STARD8: variants seen among roughly 807,000 people sequenced by gnomAD.
STARD8 encodes StAR related lipid transfer domain containing 8.
Under a neutral mutation model 69.4 loss-of-function variants are expected in STARD8, and 25 were observed. The ratio of observed to expected loss-of-function variants is 0.36; its 90% CI spans 0.26 to 0.50. The LOEUF is 0.50. Among genes scored for constraint, STARD8 ranks in the 20% least tolerant of loss-of-function variants. The pLI is 0.96. For synonymous variants in STARD8, 389 were observed against 374.6 expected, an observed-to-expected ratio of 1.04 and a Z score of -0.45; for missense variants, 921 against 932.5, an observed-to-expected ratio of 0.99 and a Z score of 0.16.
At chrX:68,724,198 C>A in intron 14 of STARD8, 77 bp downstream of exon 14, 1 of 1,174,081 alleles carries the variant, frequency 8.5e-7, no homozygotes, top group Non-Finnish European at 1.2e-6. Flanking sequence ...CTTTCTGCCC[C>A]ATGCTATTGA....
intron 1 of STARD8, among the ~76,000 whole-genome samples, chrX:68,661,948 C>T (rs1265861347): frequency 3.4e-5 from 2 of 58,131 alleles, no homozygotes; most frequent in African/African-American, 2.2e-4. Context: ...CCTCCTTCCT[C>T]TCTCTCTCTC....
chrX:68,721,526 T>G lies in STARD8; in HGVS notation c.2249-10T>G. The G allele has an allele frequency of 8.3e-7, 1 of 1,209,340 alleles. No homozygotes were observed. The highest frequency in any genetic ancestry group is 1.1e-6 in the Non-Finnish European group (1 of 894,192). On this transcript the variant is annotated splice_polypyrimidine_tract_variant and intron_variant, in intron 9 of 14. Coordinates refer to ENST00000374599, the MANE Select transcript of STARD8 (RefSeq NM_001142503.3). ...GTAAGGAAGGCTCTTCTTCCATTGC[T>G]TCCTCACAGTCCTCCCCAAGGATCA...
chrX:68,683,180 C>G (rs747943897), intron 2 of STARD8, among the ~76,000 whole-genome samples: 1 of 111,009 alleles, frequency 9.0e-6, no homozygotes, highest in East Asian at 2.8e-4. Flanking sequence ...TGCCAATAAT[C>G]AAATCAATCA....
intron 1 of STARD8, among the ~76,000 whole-genome samples, chrX:68,659,479 TG>T (rs1298263910): frequency 9.4e-6 from 1 of 106,699 alleles, no homozygotes; most frequent in Non-Finnish European, 1.9e-5. Flanking sequence ...CTCCCACCCC[TG>T]GTCAGACTAG....
At chrX:68,702,706 C>T (rs2079975293) in intron 2 of STARD8, among the ~76,000 whole-genome samples, 1 of 111,148 alleles carries the variant, frequency 9.0e-6, no homozygotes, top group Non-Finnish European at 1.9e-5. Context: ...TACTCCATAT[C>T]TCTGGGCCTC....
chrX:68,720,427 A>G lies in STARD8; in HGVS notation c.2049+4A>G. 1 of 1,166,714 alleles carries G rather than the reference A, an allele frequency of 8.6e-7. No individual in the cohort carries two copies. The stretch of plus-strand genomic sequence containing the variant: ...GCGCAGCCAGTGCCTGGACCAAGTG[A>G]GCCCTCGTGGGGCAGCCTGCCGGGA... On this transcript the variant is annotated splice_donor_region_variant and intron_variant, in intron 8 of 14. Transcript: ENST00000374599.
chrX:68,679,230 C>T (rs1351444814), intron 2 of STARD8, among the ~76,000 whole-genome samples: 1 of 111,013 alleles, frequency 9.0e-6, no homozygotes, highest in Non-Finnish European at 1.9e-5. Flanking sequence ...TATGTGACAC[C>T]CCAATATATA....
At chrX:68,700,034 C>T (rs1463116416) in intron 2 of STARD8, among the ~76,000 whole-genome samples, 2 of 110,970 alleles carry the variant, frequency 1.8e-5, no homozygotes, top group South Asian at 3.9e-4. Flanking sequence ...TCCTGCCACT[C>T]GGTTTTATCT....
Position 68,724,593 on chromosome X carries a change from G to A in STARD8, c.*171G>A, listed in dbSNP as rs187886760. ...TTCCTAAAGCTCCTCTGCACATAGA[G>A]GGGAGAAAAAGAGAATTTAGGCAAC... On this transcript the variant is annotated 3_prime_UTR_variant, in exon 15 of 15. Coordinates refer to ENST00000374599, the MANE Select transcript of STARD8 (RefSeq NM_001142503.3). 1.8e-4 allele frequency: 75 copies of A among 418,048 alleles called. No homozygotes were observed. The highest frequency in any genetic ancestry group is 1.8e-3 in the African/African-American group (72 of 40,142). The allele number at this position is 418,048 out of a possible 1,213,427, so 34.5% of individuals were successfully genotyped here.
intron 2 of STARD8, among the ~76,000 whole-genome samples, chrX:68,693,483 G>A (rs1220232601): frequency 1.8e-5 from 2 of 112,609 alleles, no homozygotes; most frequent in Non-Finnish European, 3.8e-5. Context: ...GAAAGGCAGC[G>A]GCGAGGGCCT....
chrX:68,682,439 A>C (rs2079806871), intron 2 of STARD8, among the ~76,000 whole-genome samples: 1 of 112,527 alleles, frequency 8.9e-6, no homozygotes, highest in Non-Finnish European at 1.9e-5. Context: ...AGACATGGAT[A>C]ATTAAACTCG....
chrX:68,663,139 A>G (rs756858230), intron 1 of STARD8, among the ~76,000 whole-genome samples: 2 of 112,190 alleles, frequency 1.8e-5, no homozygotes, highest in Non-Finnish European at 3.8e-5. Context: ...ACAACAAGGA[A>G]ACAAAAAGGG....
rs771209701 is a variant in STARD8, at chrX:68,722,436, G to A, written c.2589G>A (p.Met863Ile). ...CKKLFQVPQD[M>I]VLQLCSSYSA... is the part of the protein sequence containing the mutation. ...TGCCCTCTCAGGTGCCCCAGGACAT[G>A]GTGCTGCAGCTGTGCAGCTCCTACA... The change falls in exon 12 of 15, where the codon ATG (methionine) becomes ATA (isoleucine). Residue 863 changes from methionine (M) to isoleucine (I), a missense_variant. By Grantham distance (10) the Met-to-Ile change is conservative. Coordinates refer to ENST00000374599, the MANE Select transcript of STARD8 (RefSeq NM_001142503.3). 4 of 1,201,338 alleles carry A rather than the reference G, an allele frequency of 3.3e-6. No homozygotes were observed. Among genetic ancestry groups the A allele is most frequent in the South Asian group, 3.6e-5 (2 of 55,527 alleles).
chrX:68,713,028 C>A, intron 3 of STARD8, 43 bp downstream of exon 3: 4 of 1,146,373 alleles, frequency 3.5e-6, no homozygotes, highest in East Asian at 3.1e-5. Flanking sequence ...TTCCCCTAGC[C>A]CTCAGTTTTT....
At chrX:68,648,547 G>A (rs2079528901) in intron 1 of STARD8, among the ~76,000 whole-genome samples, 1 of 111,492 alleles carries the variant, frequency 9.0e-6, no homozygotes, top group South Asian at 3.8e-4. Flanking sequence ...GATCACTTGA[G>A]GCCAGGGGTT....
intron 2 of STARD8, among the ~76,000 whole-genome samples, chrX:68,688,646 G>A (rs1332495871): frequency 1.8e-5 from 2 of 112,414 alleles, no homozygotes; most frequent in African/African-American, 6.4e-5. Context: ...GGCTGTTCAA[G>A]GACTCTGGAT....
Position 68,661,970 on chromosome X carries a change from C to CTCTCTT in STARD8, c.46-3526_46-3525insCTTTCT, listed in dbSNP as rs1556020285. On this transcript the variant is annotated intron_variant, in intron 1 of 14. Coordinates refer to ENST00000374599, the MANE Select transcript of STARD8 (RefSeq NM_001142503.3). Reference sequence around the variant, plus strand: ...CCTCTCTCTCTCTCTCTCTCTCTCTCTCTTTCTTTCTTTCTTTCTTTCTTT... The same window carrying CTCTCTT: ...CCTCTCTCTCTCTCTCTCTCTCTCTCTCTCTTTCTTTCTTTCTTTCTTTCTTTCTTT... Among the ~76,000 whole-genome samples, 299 of 55,971 alleles carry CTCTCTT rather than the reference C, an allele frequency of 5.3e-3. 2 individuals are homozygous for CTCTCTT. The highest frequency in any genetic ancestry group is 6.7e-3 in the Non-Finnish European group (221 of 32,895). 48.6% of individuals were successfully genotyped at this position (55,971 alleles called of 115,157 possible). A position where few individuals can be genotyped will look rare whatever the true frequency, so the allele number is the denominator to read the frequency against.
chrX:68,653,348 A>G (rs1602536343), intron 1 of STARD8, among the ~76,000 whole-genome samples: 1 of 30,663 alleles, frequency 3.3e-5, no homozygotes, highest in Non-Finnish European at 5.9e-5. Context: ...CACCACACAC[A>G]CCCCACACAC....
chrX:68,653,221 TAC>T (rs1484716540), intron 1 of STARD8, among the ~76,000 whole-genome samples: 1 of 4,319 alleles, frequency 2.3e-4, no homozygotes, highest in African/African-American at 9.2e-4. Flanking sequence ...CCACACAACA[TAC>T]ACACCACACC....
Sources: gnomAD v4.1 joint callset for allele counts (sites outside exome capture counted in the v4.1 genomes callset) on GRCh38, gnomAD v4.1.1 for gene constraint, MANE v1.5 for transcripts, NCBI Gene and HGNC (gene_info 2026-07-23, HGNC 2026-07-21) for gene names.